BANK1: variants seen among roughly 807,000 people sequenced by gnomAD.
BANK1 encodes the protein B cell scaffold protein with ankyrin repeats 1.
A neutral mutation model predicts 94.5 loss-of-function variants in BANK1; 95 were observed. The observed-to-expected ratio is 1.00, with a 90% confidence interval of 0.85 to 1.19. The LOEUF is 1.19. Among genes scored for constraint, BANK1 ranks in the 50% most tolerant of loss-of-function variants. BANK1 has a pLI of 0.00. For synonymous variants in BANK1, 334 were observed against 308.4 expected (o/e 1.08, Z -0.87); for missense variants, 987 against 932.2 (o/e 1.06, Z -0.77).
chr4:101,802,875 A>G (rs1467844691), intron 1 of BANK1, among the ~76,000 whole-genome samples: 3 of 152,200 alleles, frequency 2.0e-5, no homozygotes, highest in Admixed American at 6.5e-5. Flanking sequence ...CTGATAGTCA[A>G]TTCCTGAAAT....
chr4:102,032,736 T>A (rs1054256332), intron 10 of BANK1, among the ~76,000 whole-genome samples: 2 of 151,734 alleles, frequency 1.3e-5, no homozygotes, highest in African/African-American at 4.8e-5. Flanking sequence ...TACAAAAAAG[T>A]TACCCAGGCA....
At chr4:101,957,393 T>C (rs1353264721) in intron 7 of BANK1, among the ~76,000 whole-genome samples, 3 of 152,214 alleles carry the variant, frequency 2.0e-5, no homozygotes, top group Non-Finnish European at 4.4e-5. Context: ...AGCAAACTAC[T>C]GTCTTGTGAT....
chr4:102,047,025 A>ATTGT (rs982078280), intron 11 of BANK1, among the ~76,000 whole-genome samples: 2 of 152,148 alleles, frequency 1.3e-5, no homozygotes, highest in Non-Finnish European at 2.9e-5. Flanking sequence ...AAACCAGGAA[A>ATTGT]TTGTTTCACA....
intron 1 of BANK1, among the ~76,000 whole-genome samples, chr4:101,806,775 T>G (rs1725568821): frequency 6.6e-6 from 1 of 152,218 alleles, no homozygotes; most frequent in Non-Finnish European, 1.5e-5. Flanking sequence ...CATAATCTTA[T>G]GCAGGGATAA....
intron 1 of BANK1, among the ~76,000 whole-genome samples, chr4:101,829,142 G>A (rs1449525417): frequency 6.6e-6 from 1 of 152,092 alleles, no homozygotes; most frequent in Admixed American, 6.6e-5. Context: ...GATTACAGGT[G>A]TGAGCCACCG....
intron 2 of BANK1, among the ~76,000 whole-genome samples, chr4:101,831,681 G>A (rs971263656): frequency 3.9e-5 from 6 of 152,200 alleles, no homozygotes; most frequent in Middle Eastern, 3.4e-3. Context: ...TACCATGTTG[G>A]CCAGGCTGGT....
At chr4:102,053,189 A>G (rs966577201) in intron 11 of BANK1, among the ~76,000 whole-genome samples, 1 of 152,164 alleles carries the variant, frequency 6.6e-6, no homozygotes, top group African/African-American at 2.4e-5. Context: ...TTTAAAAACT[A>G]GAATAGAAAA....
chr4:102,003,280 T>C (rs1246975758), intron 7 of BANK1, among the ~76,000 whole-genome samples: 1 of 152,232 alleles, frequency 6.6e-6, no homozygotes, highest in Non-Finnish European at 1.5e-5. Context: ...ATTAAAACCA[T>C]GACAGTGATT....
intron 7 of BANK1, among the ~76,000 whole-genome samples, chr4:101,986,326 A>G (rs142554023): frequency 2.2e-4 from 33 of 152,080 alleles, no homozygotes; most frequent in African/African-American, 7.7e-4. Flanking sequence ...ATTCCTGCTA[A>G]CTCCCTAGAT....
chr4:101,820,177 A>G (rs1726085294), intron 1 of BANK1, among the ~76,000 whole-genome samples: 1 of 152,220 alleles, frequency 6.6e-6, no homozygotes, highest in Non-Finnish European at 1.5e-5. Flanking sequence ...ATACAACCAT[A>G]TTGATAAATT....
chr4:101,891,074 C>T (rs1299818220), intron 5 of BANK1, among the ~76,000 whole-genome samples: 1 of 152,076 alleles, frequency 6.6e-6, no homozygotes, highest in African/African-American at 2.4e-5. Context: ...GTCTATCATA[C>T]TTACCTATAC....
At chr4:101,824,459 A>T (rs902668166) in intron 1 of BANK1, among the ~76,000 whole-genome samples, 1 of 152,234 alleles carries the variant, frequency 6.6e-6, no homozygotes, top group African/African-American at 2.4e-5. Flanking sequence ...GAGGAGAAAT[A>T]TGAGTTATGA....
At chr4:101,950,060 T>TGTGTGTGTGTGTGTGTGC (rs369393040) in intron 7 of BANK1, among the ~76,000 whole-genome samples, 2 of 139,404 alleles carry the variant, frequency 1.4e-5, no homozygotes, top group African/African-American at 6.3e-5. Flanking sequence ...TGTGTGTGTG[T>TGTGTGTGTGTGTGTGTGC]GCGCGTGCGC....
chr4:101,973,485 T>C (rs1410172676), intron 7 of BANK1, among the ~76,000 whole-genome samples: 1 of 152,100 alleles, frequency 6.6e-6, no homozygotes, highest in Non-Finnish European at 1.5e-5. Context: ...GCTTTCTTCC[T>C]GAGCCTCTAA....
chr4:102,067,571 G>T (rs1008937889), intron 13 of BANK1, among the ~76,000 whole-genome samples: 1 of 151,814 alleles, frequency 6.6e-6, no homozygotes, highest in African/African-American at 2.4e-5. Context: ...AGATAAACAA[G>T]GATATTACAT....
chr4:102,062,918 A>G (rs764985670), intron 12 of BANK1, 157 bp from the exon 13 acceptor site: 33 of 595,200 alleles, frequency 5.5e-5, no homozygotes, highest in Middle Eastern at 9.0e-4. Flanking sequence ...ATTAAGTAAG[A>G]TAACGTGGAA....
chr4:101,821,345 C>T (rs1023043198), intron 1 of BANK1, among the ~76,000 whole-genome samples: 4 of 152,178 alleles, frequency 2.6e-5, no homozygotes, highest in Admixed American at 1.3e-4. Context: ...TATAGGTGCT[C>T]GATATTTGAC....
chr4:101,837,802 T>C (rs1297458016), intron 2 of BANK1, among the ~76,000 whole-genome samples: 1 of 152,182 alleles, frequency 6.6e-6, no homozygotes, highest in Non-Finnish European at 1.5e-5. Context: ...GCTAATAAAA[T>C]AAGATAAAGA....
chr4:101,968,436 T>G (rs964331103), intron 7 of BANK1, among the ~76,000 whole-genome samples: 3 of 152,042 alleles, frequency 2.0e-5, no homozygotes, highest in Non-Finnish European at 4.4e-5. Context: ...AAAGGAAGTT[T>G]CAGATAGATT....
Sources: gnomAD v4.1 joint callset for allele counts (sites outside exome capture counted in the v4.1 genomes callset) on GRCh38, gnomAD v4.1.1 for gene constraint, MANE v1.5 for transcripts, NCBI Gene and HGNC (gene_info 2026-07-23, HGNC 2026-07-21) for gene names.